CAMK2D: variants seen among roughly 807,000 people sequenced by gnomAD.
CAMK2D encodes calcium/calmodulin-dependent protein kinase type II subunit delta.
Under a neutral mutation model 84.0 loss-of-function variants are expected in CAMK2D, and 37 were observed. The ratio of observed to expected loss-of-function variants is 0.44; its 90% CI spans 0.34 to 0.58. CAMK2D has a LOEUF of 0.58. Among genes scored for constraint, CAMK2D ranks in the 20% least tolerant of loss-of-function variants. CAMK2D has a pLI of 0.02. For missense variants in CAMK2D, 448 were observed against 652.5 expected (o/e 0.69, Z 3.41); for synonymous variants, 202 against 212.5 (o/e 0.95, Z 0.43).
intron 3 of CAMK2D, among the ~76,000 whole-genome samples, chr4:113,658,027 AC>A (rs1477871266): frequency 6.6e-6 from 1 of 152,204 alleles, no homozygotes; most frequent in African/African-American, 2.4e-5. Flanking sequence ...ATGATTGAGT[AC>A]TAGTGATTCA....
Position 113,733,102 on chromosome 4 carries a change from G to C in CAMK2D, c.160+26218C>G, listed in dbSNP as rs373657483. ...GGTGAGGTAGACTAGTGGAGAGCTT[G>C]AGGGGTGAGAGTTGTATGTGCAGAG... On this transcript the variant is annotated intron_variant, in intron 2 of 20. Transcript: ENST00000511664. Among the ~76,000 whole-genome samples, 5 of 152,324 alleles carry C rather than the reference G, an allele frequency of 3.3e-5. No individual in the cohort carries two copies. The East Asian group carries it at 7.7e-4, about 23-fold the overall frequency.
chr4:113,507,084 T>C (rs2098137734), intron 13 of CAMK2D, among the ~76,000 whole-genome samples: 1 of 152,230 alleles, frequency 6.6e-6, no homozygotes, highest in African/African-American at 2.4e-5. Context: ...GTTAAAGCTT[T>C]TTTGTTAATG....
intron 2 of CAMK2D, among the ~76,000 whole-genome samples, chr4:113,727,004 AAG>A (rs1213258183): frequency 1.3e-5 from 2 of 152,188 alleles, no homozygotes; most frequent in African/African-American, 4.8e-5. Flanking sequence ...TAGACTTTAA[AAG>A]AGAGAGGAGA....
At chr4:113,687,269 T>C (rs72895942) in intron 2 of CAMK2D, among the ~76,000 whole-genome samples, 7,459 of 152,306 alleles carry the variant, frequency 0.049, 277 homozygotes, top group African/African-American at 0.1. Context: ...CCTTTTTATA[T>C]GTTCCCAAGT....
chr4:113,552,277 TTTTA>T (rs550234339), intron 4 of CAMK2D, among the ~76,000 whole-genome samples, 181 bp from the exon 5 acceptor site: 4 of 152,200 alleles, frequency 2.6e-5, no homozygotes, highest in Non-Finnish European at 5.9e-5. Flanking sequence ...TTTTTATCTT[TTTTA>T]TTTGTCTATC....
chr4:113,588,924 G>A (rs1369552979), intron 4 of CAMK2D, among the ~76,000 whole-genome samples: 2 of 151,880 alleles, frequency 1.3e-5, no homozygotes, highest in African/African-American at 4.8e-5. Flanking sequence ...ATTAAGAAAA[G>A]TTGGTGAAGA....
intron 3 of CAMK2D, among the ~76,000 whole-genome samples, chr4:113,658,048 G>A (rs1206357634): frequency 6.6e-6 from 1 of 152,144 alleles, no homozygotes; most frequent in Non-Finnish European, 1.5e-5. Flanking sequence ...ATGTGGTGCT[G>A]TTAACTAGTG....
chr4:113,569,942 T>G (rs925309027), intron 4 of CAMK2D, among the ~76,000 whole-genome samples: 1 of 152,092 alleles, frequency 6.6e-6, no homozygotes, highest in Admixed American at 6.5e-5. Flanking sequence ...TTTAGTAAAG[T>G]TGCAGGATAC....
intron 2 of CAMK2D, among the ~76,000 whole-genome samples, chr4:113,703,535 C>T (rs2099429395): frequency 6.6e-6 from 1 of 152,134 alleles, no homozygotes; most frequent in Admixed American, 6.5e-5. Flanking sequence ...GTTGCCCAGG[C>T]TGGTCTTGAA....
chr4:113,612,291 A>G (rs1456406868), intron 3 of CAMK2D, among the ~76,000 whole-genome samples: 1 of 152,230 alleles, frequency 6.6e-6, no homozygotes, highest in East Asian at 1.9e-4. Context: ...TCTGTTGGTC[A>G]AAAGTATCCT....
chr4:113,490,310 G>A (rs959099839), intron 16 of CAMK2D, among the ~76,000 whole-genome samples: 16 of 148,490 alleles, frequency 1.1e-4, no homozygotes, highest in South Asian at 2.2e-4. Flanking sequence ...ATCTTGAATT[G>A]ATTTTTGTAC....
intron 4 of CAMK2D, among the ~76,000 whole-genome samples, chr4:113,602,167 T>A (rs1209583319): frequency 6.6e-6 from 1 of 152,128 alleles, no homozygotes; most frequent in Non-Finnish European, 1.5e-5. Flanking sequence ...ACTAAGTCCA[T>A]TTTTGCTTGA....
At chr4:113,526,377 T>G (rs2098417233) in intron 8 of CAMK2D, among the ~76,000 whole-genome samples, 2 of 151,012 alleles carry the variant, frequency 1.3e-5, no homozygotes, top group African/African-American at 4.9e-5. Context: ...ATCTATGAGA[T>G]GCCCTATGGC....
intron 4 of CAMK2D, among the ~76,000 whole-genome samples, chr4:113,566,837 C>T (rs148341195): frequency 7.2e-5 from 11 of 152,262 alleles, no homozygotes; most frequent in South Asian, 6.2e-4. Context: ...CCCCTAGTTA[C>T]GCACCAAATA....
chr4:113,675,032 C>A lies in CAMK2D; in HGVS notation c.161-13260G>T, dbSNP rs78842141. On this transcript the variant is annotated intron_variant, in intron 2 of 20. Transcript: ENST00000511664. ...ATTAAACATACTGCTAACATCCATG[C>A]GTGCATATTCCATCTTTGACAACTT... Among the ~76,000 whole-genome samples, 38 of 152,264 alleles carry A rather than the reference C, an allele frequency of 2.5e-4. No homozygotes were observed. In the East Asian group the frequency reaches 3.9e-3, roughly 15 times the overall value.
chr4:113,733,686 T>C (rs997772890), intron 2 of CAMK2D, among the ~76,000 whole-genome samples: 1 of 152,342 alleles, frequency 6.6e-6, no homozygotes. Context: ...TAACATGTTT[T>C]AATACAAAGA....
chr4:113,622,708 G>A (rs2099051373), intron 3 of CAMK2D, among the ~76,000 whole-genome samples: 2 of 152,194 alleles, frequency 1.3e-5, no homozygotes, highest in South Asian at 4.1e-4. Flanking sequence ...AGGCTACAGT[G>A]AGCCATGTTT....
chr4:113,483,518 G>T (rs1316805513), intron 16 of CAMK2D, among the ~76,000 whole-genome samples: 2 of 151,590 alleles, frequency 1.3e-5, no homozygotes, highest in Non-Finnish European at 2.9e-5. Context: ...CGATTCTCTT[G>T]CCTCAGCCTC....
intron 2 of CAMK2D, among the ~76,000 whole-genome samples, chr4:113,671,112 A>AT (rs2099280020): frequency 6.6e-6 from 1 of 152,214 alleles, no homozygotes; most frequent in Admixed American, 6.5e-5. Flanking sequence ...TTTCCTAAGA[A>AT]TTAAGTACAC....
Sources: allele counts gnomAD v4.1 joint callset (sites outside exome capture counted in the v4.1 genomes callset), GRCh38; gene constraint gnomAD v4.1.1; transcripts MANE v1.5; gene names NCBI Gene and HGNC (gene_info 2026-07-23, HGNC 2026-07-21).